The following SLC22A31 variants were observed in gnomAD, a reference collection of about 807,000 sequenced individuals.
SLC22A31 encodes putative solute carrier family 22 member 31.
Under a neutral mutation model 27.4 loss-of-function variants are expected in SLC22A31, and 42 were observed. The ratio of observed to expected loss-of-function variants is 1.53; its 90% confidence interval spans 1.20 to 1.98. The LOEUF (loss-of-function observed/expected upper bound fraction) is 1.98. Among genes scored for constraint, SLC22A31 ranks in the 30% most tolerant of loss-of-function variants. The pLI, the probability that SLC22A31 is intolerant of heterozygous loss-of-function variation, is 0.00. For synonymous variants in SLC22A31, 290 were observed against 230.8 expected (o/e 1.26, Z -2.33); for missense variants, 593 against 479.9 (o/e 1.24, Z -2.20).
In SLC22A31 at chr16:89,196,095, G is replaced by T. The variant is rs772431124; in HGVS notation, c.1245C>A (p.Arg415=). Residue 415 remains arginine, a synonymous_variant, in exon 9 of 9, where the codon CGC becomes CGA. Coordinates refer to ENST00000682282, the MANE Select transcript of SLC22A31 (RefSeq NM_001384763.1). ...GGGGGCGGCCCCGCAGGAGTGGGGAGCGGCGCAGGCGGTCGGCGTCCTGCA... is the reference window on the plus strand; with the variant it reads ...GGGGGCGGCCCCGCAGGAGTGGGGATCGGCGCAGGCGGTCGGCGTCCTGCA... The part of the protein sequence containing the change: ...QSLQDADRLR[R]SPLLRGRPRQ... The T allele has an allele frequency of 2.0e-6, 3 of 1,533,444 alleles. No individual in the cohort carries two copies. The South Asian group carries it at 3.6e-5, about 18-fold the overall frequency. 95.0% of individuals were successfully genotyped at this position (1,533,444 alleles called of 1,614,324 possible). A position where few individuals can be genotyped will look rare whatever the true frequency, so the allele number is the denominator to read the frequency against.
chr16:89,198,868 C>G, intron 4 of SLC22A31, 71 bp from the exon 5 acceptor site: 1 of 1,494,466 alleles, frequency 6.7e-7, no homozygotes, highest in Admixed American at 2.1e-5. Flanking sequence ...GGCCAGGGCC[C>G]CCACCCCACC....
rs938734592 is a variant in SLC22A31, at chr16:89,198,253, T to A, written c.791A>T (p.Glu264Val). Residue 264 changes from glutamate (E) to valine (V), a missense_variant, in exon 7 of 9, where the codon GAG becomes GTG. Transcript: ENST00000682282. ...VPTFYLPYFL[E>V]AGLEAAALVF... ...CAAGGCTGCCGCCTCCAGGCCGGCCTCCAGGAAGTAGGGCAGGTAGAAGGT... is the reference window on the plus strand; with the variant it reads ...CAAGGCTGCCGCCTCCAGGCCGGCCACCAGGAAGTAGGGCAGGTAGAAGGT... 4 of 1,535,914 alleles carry A rather than the reference T, an allele frequency of 2.6e-6. No homozygotes were observed. Among genetic ancestry groups the A allele is most frequent in the Non-Finnish European group, 2.6e-6 (3 of 1,146,876 alleles).
chr16:89,196,086 G>C lies in SLC22A31; in HGVS notation c.1254C>G (p.Leu418=). ...QDADRLRRSP[L]LRGRPRQDHL... ...GGTCCTGGCGGGGGCGGCCCCGCAG[G>C]AGTGGGGAGCGGCGCAGGCGGTCGG... The change falls in exon 9 of 9, where the codon CTC becomes CTG. Residue 418 remains leucine, a synonymous_variant. Coordinates refer to ENST00000682282, the MANE Select transcript of SLC22A31 (RefSeq NM_001384763.1). 1.3e-6 allele frequency: 2 copies of C among 1,533,158 alleles called. No homozygotes were observed. The highest frequency in any genetic ancestry group is 1.7e-6 in the Non-Finnish European group (2 of 1,146,000). The allele number at this position is 1,533,158 out of a possible 1,614,324, so 95.0% of individuals were successfully genotyped here. A position where few individuals can be genotyped will look rare whatever the true frequency, so the allele number is the denominator to read the frequency against.
At position 89,198,678 on chromosome 16, in the gene SLC22A31, G is replaced by A; in HGVS notation, c.572C>T (p.Ser191Phe). 6.5e-7 allele frequency: 1 copy of A among 1,535,718 alleles called. No individual in the cohort carries two copies. The highest frequency in any genetic ancestry group is 2.4e-5 in the East Asian group (1 of 40,904). ...EASGVGPGDSSLEENSLATEL... is the reference protein window; with the variant it reads ...EASGVGPGDSFLEENSLATEL... Reference sequence around the variant, plus strand: ...TGTAGCCAGGGAGTTCTCCTCCAAGGAACTGTCCCCGGGGCCCACGCCACT... The same window carrying A: ...TGTAGCCAGGGAGTTCTCCTCCAAGAAACTGTCCCCGGGGCCCACGCCACT... Residue 191 changes from serine (S) to phenylalanine (F), a missense_variant, in exon 5 of 9, where the codon TCC becomes TTC. Coordinates refer to ENST00000682282, the MANE Select transcript of SLC22A31 (RefSeq NM_001384763.1).
chr16:89,198,397 C>T (rs1481477231), intron 6 of SLC22A31, 45 bp downstream of exon 6: 12 of 1,529,750 alleles, frequency 7.8e-6, no homozygotes, highest in Non-Finnish European at 1.0e-5. Flanking sequence ...GACCATATGC[C>T]CACCCCGGGG....
intron 7 of SLC22A31, among the ~76,000 whole-genome samples, chr16:89,197,875 A>C (rs1170543600): frequency 6.6e-6 from 1 of 151,798 alleles, no homozygotes; most frequent in Non-Finnish European, 1.5e-5. Flanking sequence ...CGGCCTCTTG[A>C]CCTCTCATGC....
chr16:89,198,764 C>G lies in SLC22A31; in HGVS notation c.486G>C (p.Trp162Cys). The G allele has an allele frequency of 6.5e-7, 1 of 1,534,610 alleles. No homozygotes were observed. The highest frequency in any genetic ancestry group is 8.7e-7 in the Non-Finnish European group (1 of 1,145,784). Residue 162 changes from tryptophan to cysteine, a missense_variant, in exon 5 of 9, where the codon TGG becomes TGC. By Grantham distance (215) the Trp-to-Cys change is radical. Transcript: ENST00000682282. Reference sequence around the variant, plus strand: ...GAGCTACCTGACCTGTGGCCAGCAGCCAGCAGGGAGACTCGGGGAACAGGG... The same window carrying G: ...GAGCTACCTGACCTGTGGCCAGCAGGCAGCAGGGAGACTCGGGGAACAGGG... ...FPALFPESPC[W>C]LLATGQVARA...
At chr16:89,200,929 G>C (rs1290127093), upstream of SLC22A31, among the ~76,000 whole-genome samples, 2 of 152,216 alleles carry the variant, frequency 1.3e-5, no homozygotes, top group Non-Finnish European at 2.9e-5. Context: ...CCAAAGCCAC[G>C]GTCTGCTGAA....
upstream of SLC22A31, chr16:89,201,528 G>T (rs1209198548): frequency 2.5e-6 from 1 of 398,054 alleles, no homozygotes; most frequent in Non-Finnish European, 4.4e-6. Context: ...GTGGGGCGCG[G>T]GCTGCGCGGT....
chr16:89,197,184 T>G, intron 8 of SLC22A31, 114 bp downstream of exon 8: 2 of 751,228 alleles, frequency 2.7e-6, no homozygotes, highest in Non-Finnish European at 4.3e-6. Flanking sequence ...GATGGAGGAA[T>G]CACAGGCAGG....
chr16:89,198,880 C>A, intron 4 of SLC22A31, 83 bp from the exon 5 acceptor site: 1 of 1,491,816 alleles, frequency 6.7e-7, no homozygotes, highest in Non-Finnish European at 8.9e-7. Context: ...CACCCCACCC[C>A]CAGGCTCAGG....
chr16:89,198,032 C>A (rs763420898), intron 7 of SLC22A31, 90 bp downstream of exon 7: 14 of 1,415,410 alleles, frequency 9.9e-6, no homozygotes, highest in Non-Finnish European at 1.3e-5. Flanking sequence ...CCCCAGGCTG[C>A]TCCCCTGTCG....
chr16:89,201,362 C>CCGGGGCGGGTGCAGGGCGCGGG (rs1916601120), upstream of SLC22A31: 1 of 266 alleles, frequency 3.8e-3, no homozygotes, highest in African/African-American at 0.012. Flanking sequence ...GGGGCGCGGG[C>CCGGGGCGGGTGCAGGGCGCGGG]CCGGGGCGGG....
At position 89,197,330 on chromosome 16, in the gene SLC22A31, G is replaced by A; in HGVS notation, c.1002C>T (p.Leu334=). Reference sequence around the variant, plus strand: ...CCGTGGGGAAGACCTCGGCCGCGAAGAGGCTGCTGAGTGCGGACACAGCCC... The same window carrying A: ...CCGTGGGGAAGACCTCGGCCGCGAAAAGGCTGCTGAGTGCGGACACAGCCC... ...ASRAVSALSS[L]FAAEVFPTVI... The change falls in exon 8 of 9, where the codon CTC becomes CTT. Residue 334 remains leucine, a synonymous_variant. Transcript: ENST00000682282. 1.3e-6 allele frequency: 2 copies of A among 1,535,874 alleles called. No homozygotes were observed. The highest frequency in any genetic ancestry group is 1.7e-6 in the Non-Finnish European group (2 of 1,146,828).
rs567857134 is a variant in SLC22A31 at position 89,198,042 on chromosome 16, G to A, written c.922+80C>T. 52 of 1,463,424 alleles carry A rather than the reference G, an allele frequency of 3.6e-5. No individual in the cohort carries two copies. The South Asian group carries it at 4.2e-4, about 12-fold the overall frequency. 90.7% of individuals were successfully genotyped at this position (1,463,424 alleles called of 1,614,324 possible). A position where few individuals can be genotyped will look rare whatever the true frequency, so the allele number is the denominator to read the frequency against. ...TGCCACCCCAGGCTGCTCCCCTGTC[G>A]GCACTATGGCCCCCTGGTGTGGCAG... On this transcript the variant is annotated intron_variant, in intron 7 of 8. Coordinates refer to ENST00000682282, the MANE Select transcript of SLC22A31 (RefSeq NM_001384763.1).
In SLC22A31 at chr16:89,196,213, AG is replaced by A. The variant is rs1226934457; in HGVS notation, c.1126del (p.Leu376CysfsTer92). 6.5e-7 allele frequency: 1 copy of A among 1,534,776 alleles called. No homozygotes were observed. Among genetic ancestry groups the A allele is most frequent in the African/African-American group, 1.4e-5 (1 of 73,000 alleles). ...DTLHGRQGFF[L>X]QQVVFASLAV... The stretch of plus-strand genomic sequence containing the variant: ...AAGGGAGGCGAAGACGACTTGTTGC[AG>A]GAAGAAGCCCTGCCGGCCGTGCAGG... On this transcript the variant is annotated frameshift_variant, in exon 9 of 9. Transcript: ENST00000682282. LOFTEE classifies it low-confidence loss of function (END_TRUNC).
At position 89,196,233 on chromosome 16, in the gene SLC22A31, G is replaced by A. The variant is rs1027498095; in HGVS notation, c.1107C>T (p.His369=). The part of the protein sequence containing the change: ...GQAAGPLDTL[H]GRQGFFLQQV... Reference sequence around the variant, plus strand: ...GTTGCAGGAAGAAGCCCTGCCGGCCGTGCAGGGTGTCCAGGGGGCCGGCTG... The same window carrying A: ...GTTGCAGGAAGAAGCCCTGCCGGCCATGCAGGGTGTCCAGGGGGCCGGCTG... The change falls in exon 9 of 9, where the codon CAC becomes CAT. Residue 369 remains histidine (H), a synonymous_variant. Coordinates refer to ENST00000682282, the MANE Select transcript of SLC22A31 (RefSeq NM_001384763.1). The A allele has an allele frequency of 2.7e-5, 42 of 1,534,292 alleles. 1 individual carries two copies. The highest frequency in any genetic ancestry group is 3.7e-4 in the Middle Eastern group (2 of 5,358).
Position 89,198,680 on chromosome 16 carries a change from A to C in SLC22A31, c.570T>G (p.Ser190Arg). ...AEASGVGPGDSSLEENSLATE... is the reference protein window; with the variant it reads ...AEASGVGPGDRSLEENSLATE... ...TAGCCAGGGAGTTCTCCTCCAAGGA[A>C]CTGTCCCCGGGGCCCACGCCACTGG... Residue 190 changes from serine (S) to arginine (R), a missense_variant, in exon 5 of 9, where the codon AGT becomes AGG. Transcript: ENST00000682282. 1 of 1,535,678 alleles carries C rather than the reference A, an allele frequency of 6.5e-7. No individual in the cohort carries two copies. Among genetic ancestry groups the C allele is most frequent in the African/African-American group, 1.4e-5 (1 of 73,144 alleles).
At chr16:89,200,839 C>T (rs969914118), upstream of SLC22A31, among the ~76,000 whole-genome samples, 5 of 152,262 alleles carry the variant, frequency 3.3e-5, no homozygotes, top group African/African-American at 7.2e-5. Flanking sequence ...GCGCACCTCA[C>T]TGATGGGAAG....
Sources: gnomAD v4.1 joint callset for allele counts (sites outside exome capture counted in the v4.1 genomes callset) on GRCh38, gnomAD v4.1.1 for gene constraint, MANE v1.5 for transcripts, NCBI Gene and HGNC (gene_info 2026-07-23, HGNC 2026-07-21) for gene names.